Variants in MBNL2 observed in about 807,000 individuals in gnomAD.
MBNL2 encodes the protein muscleblind like splicing regulator 2.
MBNL2 carries 17 observed loss-of-function variants against 41.9 expected under a neutral mutation model. The ratio of observed to expected loss-of-function variants is 0.41; its 90% confidence interval spans 0.28 to 0.61. MBNL2 has a LOEUF of 0.61. MBNL2 is among the 20% of genes least tolerant of loss of function. MBNL2 has a pLI of 0.35. For missense variants in MBNL2, 336 were observed against 505.6 expected (o/e 0.66, Z 3.22); for synonymous variants, 195 against 182.9 (o/e 1.07, Z -0.53).
intron 8 of MBNL2, among the ~76,000 whole-genome samples, chr13:97,370,435 C>T (rs1231956064): frequency 1.3e-5 from 2 of 151,988 alleles, no homozygotes; most frequent in Non-Finnish European, 2.9e-5. Flanking sequence ...TTTGGAAGGC[C>T]GAGGTGGGCA....
chr13:97,207,206 T>G, the MBNL2 span, among the ~76,000 whole-genome samples: 72 of 152,230 alleles, frequency 4.7e-4, 1 homozygote, highest in South Asian at 0.015. Context: ...AAGAGTGAGG[T>G]TAGGGGATAG....
chr13:97,164,297 C>G, the MBNL2 span, among the ~76,000 whole-genome samples: 1 of 152,156 alleles, frequency 6.6e-6, no homozygotes, highest in Non-Finnish European at 1.5e-5. Context: ...CATGAGCCAC[C>G]GCACCCAGTT....
intron 2 of MBNL2, among the ~76,000 whole-genome samples, chr13:97,296,837 T>C (rs566853084): frequency 3.2e-4 from 49 of 152,188 alleles, no homozygotes; most frequent in Non-Finnish European, 6.6e-4. Context: ...GAAAGTTCTA[T>C]AGACAAGGTG....
intron 8 of MBNL2, among the ~76,000 whole-genome samples, chr13:97,377,694 G>A (rs901738955): frequency 1.3e-5 from 2 of 152,174 alleles, no homozygotes; most frequent in Non-Finnish European, 2.9e-5. Context: ...TGTTTAAATC[G>A]ATTCCTATTG....
At chr13:97,374,426 C>T (rs1277767121) in intron 8 of MBNL2, among the ~76,000 whole-genome samples, 1 of 151,778 alleles carries the variant, frequency 6.6e-6, no homozygotes, top group Non-Finnish European at 1.5e-5. Context: ...GGATTACAGA[C>T]GTGAGCCACC....
At chr13:97,218,440 C>CAAACAAAAAG (rs1555302256), upstream of MBNL2, among the ~76,000 whole-genome samples, 1 of 117,974 alleles carries the variant, frequency 8.5e-6, no homozygotes, top group Non-Finnish European at 1.7e-5. Flanking sequence ...CAAAACAAAA[C>CAAACAAAAAG]AAAAAAAAAA....
At chr13:97,243,415 C>T (rs886274039) in intron 1 of MBNL2, among the ~76,000 whole-genome samples, 1 of 152,088 alleles carries the variant, frequency 6.6e-6, no homozygotes, top group Non-Finnish European at 1.5e-5. Context: ...GCAAGGTCAG[C>T]CTCAAGGAGG....
At chr13:97,225,980 T>A (rs1277167026) in intron 1 of MBNL2, among the ~76,000 whole-genome samples, 2 of 152,174 alleles carry the variant, frequency 1.3e-5, no homozygotes, top group African/African-American at 4.8e-5. Flanking sequence ...GTAAATTAGT[T>A]AACATACTAT....
At chr13:97,250,416 C>T (rs2046297024) in intron 1 of MBNL2, among the ~76,000 whole-genome samples, 1 of 152,172 alleles carries the variant, frequency 6.6e-6, no homozygotes, top group Admixed American at 6.5e-5. Flanking sequence ...CCCTTTTCAG[C>T]TCAGTCTGCC....
the MBNL2 span, among the ~76,000 whole-genome samples, chr13:97,157,876 C>A: frequency 6.6e-6 from 1 of 151,640 alleles, no homozygotes; most frequent in Non-Finnish European, 1.5e-5. Flanking sequence ...TGTGTCTCTG[C>A]CCGGATTTGG....
chr13:97,259,226 G>A (rs1350114087), intron 1 of MBNL2, among the ~76,000 whole-genome samples: 5 of 152,046 alleles, frequency 3.3e-5, no homozygotes, highest in African/African-American at 9.7e-5. Context: ...ACTGGGCTTG[G>A]GTGTGCTGGT....
At chr13:97,220,788 A>G (rs2040793122), upstream of MBNL2, among the ~76,000 whole-genome samples, 1 of 152,216 alleles carries the variant, frequency 6.6e-6, no homozygotes, top group African/African-American at 2.4e-5. Context: ...TGTGTCAAAG[A>G]TAACTGAAGT....
chr13:97,326,532 G>C (rs1050424234), intron 2 of MBNL2, among the ~76,000 whole-genome samples: 1 of 152,148 alleles, frequency 6.6e-6, no homozygotes, highest in Non-Finnish European at 1.5e-5. Context: ...AACAGAAAGA[G>C]CTTATTAGAG....
At chr13:97,289,544 G>A (rs556770812) in intron 2 of MBNL2, among the ~76,000 whole-genome samples, 4 of 152,300 alleles carry the variant, frequency 2.6e-5, no homozygotes, top group African/African-American at 7.2e-5. Context: ...AATTCTAGTA[G>A]GTCCAGAATC....
At position 97,366,614 on chromosome 13, in the gene MBNL2, A is replaced by G. The variant is rs553202755; in HGVS notation, c.1048+1443A>G. The G allele has an allele frequency of 2.2e-6, 2 of 913,748 alleles. No homozygotes were observed. The highest frequency in any genetic ancestry group is 3.4e-6 in the Non-Finnish European group (2 of 580,158). 56.6% of individuals were successfully genotyped at this position (913,748 alleles called of 1,614,324 possible). A position where few individuals can be genotyped will look rare whatever the true frequency, so the allele number is the denominator to read the frequency against. On this transcript the variant is annotated intron_variant, in intron 8 of 8. Coordinates refer to ENST00000679496, the MANE Select transcript of MBNL2 (RefSeq NM_001382683.1). The surrounding 1 kb of genome is among the most constrained non-coding windows in gnomAD (Gnocchi z 4.7). ...AAACTCTAAATGAGTGCTGATATTT[A>G]AAAAAAAAATTCTCGGTGAGAATTT...
intron 2 of MBNL2, among the ~76,000 whole-genome samples, chr13:97,327,933 A>G (rs1241704402): frequency 6.6e-6 from 1 of 152,174 alleles, no homozygotes; most frequent in African/African-American, 2.4e-5. Context: ...GATGATGATG[A>G]TGATTATGAT....
At chr13:97,295,111 G>T (rs1477195236) in intron 2 of MBNL2, among the ~76,000 whole-genome samples, 1 of 152,166 alleles carries the variant, frequency 6.6e-6, no homozygotes, top group Non-Finnish European at 1.5e-5. Flanking sequence ...AGACATGATA[G>T]CCCTCTACAA....
At chr13:97,356,212 C>T (rs1039003602) in intron 5 of MBNL2, among the ~76,000 whole-genome samples, 2 of 151,840 alleles carry the variant, frequency 1.3e-5, no homozygotes, top group East Asian at 1.9e-4. Context: ...CCAACAGTTT[C>T]GCCTAAATAA....
intron 4 of MBNL2, among the ~76,000 whole-genome samples, chr13:97,344,567 T>C (rs1223804525): frequency 6.6e-6 from 1 of 152,202 alleles, no homozygotes; most frequent in African/African-American, 2.4e-5. Context: ...AAACTGCAAA[T>C]ATTTTAGAAG....
Sources: allele counts gnomAD v4.1 joint callset (sites outside exome capture counted in the v4.1 genomes callset), GRCh38; gene constraint gnomAD v4.1.1; non-coding constraint Gnocchi (gnomAD v3.1); transcripts MANE v1.5; gene names NCBI Gene and HGNC (gene_info 2026-07-23, HGNC 2026-07-21).